CDC42BPB: variants seen among roughly 807,000 people sequenced by gnomAD.
The protein encoded by CDC42BPB is serine/threonine-protein kinase MRCK beta.
A neutral mutation model predicts 214.9 loss-of-function variants in CDC42BPB; 37 were observed. The ratio of observed to expected loss-of-function variants is 0.17; its 90% CI spans 0.13 to 0.23. The LOEUF is 0.23. Among genes scored for constraint, CDC42BPB ranks in the 10% least tolerant of loss-of-function variants. The probability of loss-of-function intolerance (pLI) is 1.00; values close to 1 mark genes in which losing one functional copy is unlikely to be tolerated. For synonymous variants in CDC42BPB, 931 were observed against 884.0 expected, an observed-to-expected ratio of 1.05 and a Z score of -0.94; for missense variants, 1,694 against 2,227.0, an observed-to-expected ratio of 0.76 and a Z score of 4.82.
chr14:103,039,207 T>C (rs1351916632), intron 1 of CDC42BPB, among the ~76,000 whole-genome samples: 1 of 149,762 alleles, frequency 6.7e-6, no homozygotes, highest in Admixed American at 6.7e-5. Flanking sequence ...AAATAAGAGT[T>C]ATTACCAATT....
At chr14:103,033,295 C>T (rs550556128) in intron 1 of CDC42BPB, among the ~76,000 whole-genome samples, 2 of 152,168 alleles carry the variant, frequency 1.3e-5, no homozygotes, top group African/African-American at 2.4e-5. Flanking sequence ...CATCTCTGCT[C>T]ACTGCAAGCC....
rs1423484019 is a variant in CDC42BPB, at chr14:102,976,049, G to A, written c.1221C>T (p.Ser407=). The A allele has an allele frequency of 1.2e-6, 2 of 1,606,786 alleles. No individual in the cohort carries two copies. Among genetic ancestry groups the A allele is most frequent in the South Asian group, 1.1e-5 (1 of 90,658 alleles). The stretch of plus-strand genomic sequence containing the variant: ...TCAGAGAGCCTCGATCAGAAAAACA[G>A]CTGGGAAACCAAGCAACAGGTTTTT... ...PFIGFTFTTE[S]CFSDRGSLKS... The change falls in exon 10 of 37, where the codon AGC becomes AGT. Residue 407 remains serine (S), a splice_region_variant and synonymous_variant. Coordinates refer to ENST00000361246, the MANE Select transcript of CDC42BPB (RefSeq NM_006035.4).
At chr14:102,965,557 A>C (rs1447278091) in intron 18 of CDC42BPB, among the ~76,000 whole-genome samples, 1 of 152,204 alleles carries the variant, frequency 6.6e-6, no homozygotes, top group Non-Finnish European at 1.5e-5. Flanking sequence ...AGAAGTCCAG[A>C]GATGCCATCT....
At chr14:102,977,339 C>CA (rs56368090) in intron 9 of CDC42BPB, among the ~76,000 whole-genome samples, 51,549 of 85,468 alleles carry the variant, frequency 0.6, 16,317 homozygotes, top group Middle Eastern at 0.8. Flanking sequence ...ACTCCGTCTC[C>CA]AAAAAAAAAA....
At chr14:103,039,212 C>T (rs1566921138) in intron 1 of CDC42BPB, among the ~76,000 whole-genome samples, 2 of 149,816 alleles carry the variant, frequency 1.3e-5, no homozygotes, top group Admixed American at 6.7e-5. Context: ...AGAGTTATTA[C>T]CAATTCTTCA....
intron 1 of CDC42BPB, among the ~76,000 whole-genome samples, chr14:103,033,651 C>T (rs566643941): frequency 2.0e-5 from 3 of 152,100 alleles, no homozygotes; most frequent in African/African-American, 7.2e-5. Context: ...ATAAAAAACT[C>T]AAGAGACTCC....
At position 102,940,291 on chromosome 14, in the gene CDC42BPB, T is replaced by A. The variant is rs1426764810; in HGVS notation, c.4442A>T (p.Glu1481Val). The A allele has an allele frequency of 3.2e-6, 5 of 1,586,988 alleles. No homozygotes were observed. Among genetic ancestry groups the A allele is most frequent in the Non-Finnish European group, 4.3e-6 (5 of 1,166,660 alleles). The change falls in exon 31 of 37, where the codon GAG (glutamate) becomes GTG (valine). Residue 1481 changes from glutamate (E) to valine (V), a missense_variant. Glu to Val is a moderately radical substitution (Grantham distance 121). Transcript: ENST00000361246. ...CSPTHVTVYS[E>V]YGVDVFDVRT... ...CACATCAAAGACGTCCACGCCATAC[T>A]CGCTGTACACCGTGACGTGGGTGGG... is the stretch of plus-strand genomic sequence containing the variant.
intron 1 of CDC42BPB, among the ~76,000 whole-genome samples, chr14:103,028,932 T>C (rs545467329): frequency 6.6e-6 from 1 of 152,352 alleles, no homozygotes; most frequent in South Asian, 2.1e-4. Context: ...TCTGAGTTGC[T>C]GAAACCTTCT....
In CDC42BPB at chr14:102,976,036, G is replaced by C; in HGVS notation, c.1234C>G (p.Arg412Gly). The change falls in exon 10 of 37, where the codon CGA (arginine) becomes GGA (glycine). Residue 412 changes from arginine (R) to glycine (G), a missense_variant. By Grantham distance (125) the Arg-to-Gly change is moderately radical (BLOSUM62 -2). Coordinates refer to ENST00000361246, the MANE Select transcript of CDC42BPB (RefSeq NM_006035.4). ...TGCATTATGCTCTTCAGAGAGCCTC[G>C]ATCAGAAAAACAGCTGGGAAACCAA... is the stretch of plus-strand genomic sequence containing the variant. ...TFTTESCFSD[R>G]GSLKSIMQSN... 6.2e-7 allele frequency: 1 copy of C among 1,610,946 alleles called. No individual in the cohort carries two copies. Among genetic ancestry groups the C allele is most frequent in the Non-Finnish European group, 8.5e-7 (1 of 1,177,748 alleles).
chr14:102,994,556 C>A lies in CDC42BPB; in HGVS notation c.596+5009G>T, dbSNP rs1485747214. On this transcript the variant is annotated intron_variant, in intron 5 of 36. Transcript: ENST00000361246. ...GCCACTGTGCTGGGACTGCCTATGTCCATTCTCCTCTAATGGCACAGCGGG... is the reference window on the plus strand; with the variant it reads ...GCCACTGTGCTGGGACTGCCTATGTACATTCTCCTCTAATGGCACAGCGGG... 3.3e-5 allele frequency among the ~76,000 whole-genome samples: 5 copies of A among 152,176 alleles called. 1 individual carries two copies. The highest frequency in any genetic ancestry group is 1.2e-4 in the African/African-American group (5 of 41,436).
chr14:103,057,368 G>A lies in CDC42BPB; in HGVS notation c.-195C>T. On this transcript the variant is annotated 5_prime_UTR_variant, in exon 1 of 37. Transcript: ENST00000361246. ...GTCCCGACGGCGCAGAGTCTGGGGC[G>A]CCGGGCCCCGCGGGTCCATGGGCCG... 7 of 988,036 alleles carry A rather than the reference G, an allele frequency of 7.1e-6. No individual in the cohort carries two copies. Among genetic ancestry groups the A allele is most frequent in the Non-Finnish European group, 8.5e-6 (7 of 828,280 alleles). 61.2% of individuals were successfully genotyped at this position (988,036 alleles called of 1,614,324 possible). A position where few individuals can be genotyped will look rare whatever the true frequency, so the allele number is the denominator to read the frequency against.
intron 9 of CDC42BPB, 84 bp downstream of exon 9, chr14:102,978,042 G>T: frequency 1.9e-6 from 2 of 1,070,958 alleles, no homozygotes; most frequent in Admixed American, 1.8e-5. Flanking sequence ...CCACTAGCCC[G>T]CCCCCAGGGA....
chr14:102,935,519 G>A (rs543315866), intron 36 of CDC42BPB, among the ~76,000 whole-genome samples: 35 of 152,332 alleles, frequency 2.3e-4, no homozygotes, highest in Non-Finnish European at 4.1e-4. Flanking sequence ...GCCGGGTATA[G>A]TGCCTCACGC....
In CDC42BPB at chr14:103,004,694, C is replaced by A. The variant is rs1011153281; in HGVS notation, c.352-671G>T. On this transcript the variant is annotated intron_variant, in intron 3 of 36. Transcript: ENST00000361246. The surrounding 1 kb of genome is among the most constrained non-coding windows in gnomAD (Gnocchi z 5.3). ...ACCAGCCTGGCCAACATGATGAAAC[C>A]CTGTCTCTACTAAAAACTAGAAAAA... Among the ~76,000 whole-genome samples the A allele has an allele frequency of 2.6e-5, 4 of 151,964 alleles. No individual in the cohort carries two copies. Among genetic ancestry groups the A allele is most frequent in the Non-Finnish European group, 5.9e-5 (4 of 67,994 alleles).
At chr14:102,950,041 A>G (rs1892413361) in intron 25 of CDC42BPB, 137 bp from the exon 26 acceptor site, 2 of 1,483,360 alleles carry the variant, frequency 1.3e-6, no homozygotes, top group East Asian at 4.7e-5. Context: ...TTTGCCCAAG[A>G]AGGCTCAAGG....
chr14:103,050,538 T>C (rs1052696252), intron 1 of CDC42BPB, among the ~76,000 whole-genome samples: 2 of 152,168 alleles, frequency 1.3e-5, no homozygotes, highest in Admixed American at 1.3e-4. Context: ...GGTAGGAGGA[T>C]TACTTGAGCC....
At chr14:102,939,755 C>G in intron 33 of CDC42BPB, 28 bp from the exon 34 acceptor site, 2 of 1,614,112 alleles carry the variant, frequency 1.2e-6, no homozygotes, top group East Asian at 2.2e-5. Flanking sequence ...TTTTGAGATT[C>G]ATGGATACGT....
chr14:102,949,976 C>T, intron 25 of CDC42BPB, 72 bp from the exon 26 acceptor site: 1 of 1,586,440 alleles, frequency 6.3e-7, no homozygotes, highest in Non-Finnish European at 8.6e-7. Context: ...TACACTCGTT[C>T]ACAATCTCCT....
At chr14:102,942,500 T>C (rs1368013363) in intron 30 of CDC42BPB, among the ~76,000 whole-genome samples, 1 of 152,224 alleles carries the variant, frequency 6.6e-6, no homozygotes, top group African/African-American at 2.4e-5. Context: ...GTGGATTTGA[T>C]GGTGCAGGCC....
Sources: allele counts gnomAD v4.1 joint callset (sites outside exome capture counted in the v4.1 genomes callset), GRCh38; gene constraint gnomAD v4.1.1; non-coding constraint Gnocchi (gnomAD v3.1); transcripts MANE v1.5; gene names NCBI Gene and HGNC (gene_info 2026-07-23, HGNC 2026-07-21).